CXCL17: variants seen among roughly 807,000 people sequenced by gnomAD.
The protein encoded by CXCL17 is C-X-C motif chemokine ligand 17.
Under a neutral mutation model 15.5 loss-of-function variants are expected in CXCL17, and 9 were observed. That is an observed-to-expected ratio of 0.58 (90% confidence interval 0.35 to 1.01). The LOEUF is 1.01. Ranked by LOEUF, CXCL17 falls within the 50% of genes least tolerant of loss-of-function variation. The probability of loss-of-function intolerance (pLI) is 0.02; values close to 1 mark genes in which losing one functional copy is unlikely to be tolerated. For missense variants in CXCL17, 133 were observed against 138.2 expected, an observed-to-expected ratio of 0.96 and a Z score of 0.19; for synonymous variants, 52 against 52.3, an observed-to-expected ratio of 0.99 and a Z score of 0.02.
intron 1 of CXCL17, among the ~76,000 whole-genome samples, chr19:42,440,224 A>C (rs2040878404): frequency 6.6e-6 from 1 of 152,010 alleles, no homozygotes; most frequent in African/African-American, 2.4e-5. Flanking sequence ...TAATATTATA[A>C]TTAATGAATA....
intron 2 of CXCL17, 41 bp downstream of exon 2, chr19:42,433,735 C>A: frequency 6.5e-7 from 1 of 1,540,516 alleles, no homozygotes; most frequent in South Asian, 1.1e-5. Flanking sequence ...GAGCTGGGGT[C>A]ATGGTGATGC....
chr19:42,441,431 G>T (rs2040891295), intron 1 of CXCL17, among the ~76,000 whole-genome samples: 1 of 152,156 alleles, frequency 6.6e-6, no homozygotes, highest in African/African-American at 2.4e-5. Context: ...TTTGGTTGGA[G>T]AAATAGTATT....
chr19:42,433,178 A>C, intron 2 of CXCL17, 101 bp from the exon 3 acceptor site: 1 of 765,160 alleles, frequency 1.3e-6, no homozygotes, highest in Non-Finnish European at 2.2e-6. Context: ...TTGCATTTCC[A>C]CTGCAATGGG....
intron 3 of CXCL17, among the ~76,000 whole-genome samples, chr19:42,432,072 A>G (rs373990984): frequency 3.3e-5 from 5 of 151,862 alleles, no homozygotes; most frequent in Non-Finnish European, 7.4e-5. Flanking sequence ...TCAATAGTGT[A>G]TAAGGATCCT....
At chr19:42,438,432 CACACAT>C (rs1263275758) in intron 1 of CXCL17, among the ~76,000 whole-genome samples, 3 of 139,762 alleles carry the variant, frequency 2.1e-5, no homozygotes, top group African/African-American at 8.2e-5. Flanking sequence ...CACACACACA[CACACAT>C]ATATACTGTA....
At chr19:42,433,908 A>G in intron 1 of CXCL17, 52 bp from the exon 2 acceptor site, 1 of 1,399,592 alleles carries the variant, frequency 7.1e-7, no homozygotes, top group South Asian at 1.2e-5. Flanking sequence ...CACAGAAATG[A>G]TCCTCCCAGC....
At position 42,433,058 on chromosome 19, in the gene CXCL17, C is replaced by T. The variant is rs151260095; in HGVS notation, c.180G>A (p.Pro60=). 678 of 1,613,820 alleles carry T rather than the reference C, an allele frequency of 4.2e-4. 1 individual carries two copies. The highest frequency in any genetic ancestry group is 1.4e-3 in the African/African-American group (104 of 75,022). ...CECKDWFLRA[P]RRKFMTVSGL... ...CAGACACTGTCATGAATTTTCTTCT[C>T]GGGGCTCTCAGGAACCAATCTGGAA... Residue 60 remains proline, a synonymous_variant, in exon 3 of 4, where the codon CCG becomes CCA. Coordinates refer to ENST00000601181, the MANE Select transcript of CXCL17 (RefSeq NM_198477.3).
intron 1 of CXCL17, among the ~76,000 whole-genome samples, chr19:42,438,381 A>AATATATATATATATATATATAT (rs1201763586): frequency 1.1e-4 from 7 of 63,848 alleles, no homozygotes; most frequent in African/African-American, 5.3e-4. Context: ...AAAAAAAAAA[A>AATATATATATATATATATATAT]ATATATATAT....
In CXCL17 at chr19:42,442,763, G is replaced by T. The variant is rs375692922; in HGVS notation, c.70C>A (p.Leu24Met). The T allele has an allele frequency of 5.0e-6, 8 of 1,611,696 alleles. No individual in the cohort carries two copies. Among genetic ancestry groups the T allele is most frequent in the Non-Finnish European group, 5.1e-6 (6 of 1,178,734 alleles). The change falls in exon 1 of 4, where the codon CTG (leucine) becomes ATG (methionine). Residue 24 changes from leucine to methionine, a missense_variant. Transcript: ENST00000601181. ...LMLMSMVSSS[L>M]NPGVARGHRD... ...AGACAGTCTTGTTTACCTGGATTCA[G>T]GCTGCTAGAGACCATGGACATCAGC...
rs182579284 is a variant in CXCL17, at chr19:42,432,936, G to C, written c.262+40C>G. ...GCTTCTTCCCTAGTGATTTCACGGA[G>C]TGACTCTGGTATAAGGAAAATCATC... On this transcript the variant is annotated intron_variant, in intron 3 of 3. Coordinates refer to ENST00000601181, the MANE Select transcript of CXCL17 (RefSeq NM_198477.3). 4 of 1,469,642 alleles carry C rather than the reference G, an allele frequency of 2.7e-6. No individual in the cohort carries two copies. The East Asian group carries it at 9.1e-5, about 33-fold the overall frequency. The allele number at this position is 1,469,642 out of a possible 1,614,324, so 91.0% of individuals were successfully genotyped here. A position where few individuals can be genotyped will look rare whatever the true frequency, so the allele number is the denominator to read the frequency against.
intron 2 of CXCL17, 95 bp downstream of exon 2, chr19:42,433,681 G>A: frequency 9.7e-7 from 1 of 1,032,340 alleles, no homozygotes; most frequent in East Asian, 2.4e-5. Context: ...GGTGAGGTCA[G>A]CTGAGATAAC....
intron 1 of CXCL17, among the ~76,000 whole-genome samples, chr19:42,438,595 C>G (rs1325844483): frequency 6.6e-6 from 1 of 151,590 alleles, no homozygotes; most frequent in Non-Finnish European, 1.5e-5. Flanking sequence ...TTTCCCAGCT[C>G]TGACCACTAG....
intron 1 of CXCL17, among the ~76,000 whole-genome samples, chr19:42,436,691 C>G (rs1015641860): frequency 2.0e-5 from 3 of 152,198 alleles, no homozygotes; most frequent in Admixed American, 1.3e-4. Flanking sequence ...CTTCATAACA[C>G]ATTTTTAATG....
chr19:42,441,273 T>G (rs1274870553), intron 1 of CXCL17, among the ~76,000 whole-genome samples: 1 of 152,120 alleles, frequency 6.6e-6, no homozygotes, highest in African/African-American at 2.4e-5. Context: ...CCAGCAGGGC[T>G]AAGCCAGCGC....
intron 1 of CXCL17, among the ~76,000 whole-genome samples, chr19:42,434,779 G>T (rs1467689566): frequency 1.3e-5 from 2 of 152,054 alleles, no homozygotes; most frequent in Non-Finnish European, 2.9e-5. Flanking sequence ...TTAAACGATG[G>T]TATTTACCTT....
intron 1 of CXCL17, among the ~76,000 whole-genome samples, chr19:42,437,946 G>T (rs74394435): frequency 2.0e-5 from 3 of 152,024 alleles, no homozygotes; most frequent in African/African-American, 7.3e-5. Flanking sequence ...GATACTTCAA[G>T]TCTCAGATAG....
At position 42,428,985 on chromosome 19, in the gene CXCL17, G is replaced by A; in HGVS notation, c.263-4C>T. The A allele has an allele frequency of 6.2e-7, 1 of 1,611,774 alleles. No homozygotes were observed. Among genetic ancestry groups the A allele is most frequent in the Non-Finnish European group, 8.5e-7 (1 of 1,177,974 alleles). ...TTTCTGTGGTGCCTTTGGTGTCCTA[G>A]GGTGCAAATAAAGGGGAGAGGCTAG... On this transcript the variant is annotated splice_polypyrimidine_tract_variant and splice_region_variant and intron_variant, in intron 3 of 3. Transcript: ENST00000601181.
At chr19:42,432,141 G>GTTTTTTTTT (rs370344388) in intron 3 of CXCL17, among the ~76,000 whole-genome samples, 3 of 108,614 alleles carry the variant, frequency 2.8e-5, no homozygotes, top group African/African-American at 3.7e-5. Context: ...TGCCAATTTA[G>GTTTTTTTTT]TTTTTTTTTT....
chr19:42,431,420 AG>A (rs1368677104), intron 3 of CXCL17, among the ~76,000 whole-genome samples: 1 of 152,096 alleles, frequency 6.6e-6, no homozygotes, highest in Non-Finnish European at 1.5e-5. Context: ...TCATAATCTC[AG>A]TGAAGTCAGA....
Sources: gnomAD v4.1 joint callset for allele counts (sites outside exome capture counted in the v4.1 genomes callset) on GRCh38, gnomAD v4.1.1 for gene constraint, MANE v1.5 for transcripts, NCBI Gene and HGNC (gene_info 2026-07-23, HGNC 2026-07-21) for gene names.